The following SDK1 variants were observed in gnomAD, a reference collection of about 807,000 sequenced individuals.
SDK1 encodes the protein protein sidekick-1.
Under a neutral mutation model 245.5 loss-of-function variants are expected in SDK1, and 157 were observed. The ratio of observed to expected loss-of-function variants is 0.64; its 90% CI spans 0.56 to 0.73. The LOEUF (loss-of-function observed/expected upper bound fraction) is 0.73, where lower values mean the gene tolerates loss of function less well. SDK1 is among the 30% of genes least tolerant of loss of function. The pLI is 0.00. For missense variants in SDK1, 3,583 were observed against 3,002.3 expected, an observed-to-expected ratio of 1.19 and a Z score of -4.52; for synonymous variants, 1,647 against 1,278.5, an observed-to-expected ratio of 1.29 and a Z score of -6.15.
chr7:4,067,814 G>C (rs1186577125), intron 19 of SDK1, 24 bp from the exon 20 acceptor site: 2 of 1,584,150 alleles, frequency 1.3e-6, no homozygotes, highest in African/African-American at 2.7e-5. Context: ...TGTGTTAACA[G>C]ATGACTTTGC....
At chr7:3,439,462 A>C (rs1182413700) in intron 1 of SDK1, among the ~76,000 whole-genome samples, 3 of 152,122 alleles carry the variant, frequency 2.0e-5, no homozygotes, top group South Asian at 2.1e-4. Flanking sequence ...GGTTTGGTCA[A>C]CCTTTCCTAA....
intron 4 of SDK1, among the ~76,000 whole-genome samples, chr7:3,713,350 T>C (rs188610686): frequency 6.6e-6 from 1 of 152,050 alleles, no homozygotes; most frequent in East Asian, 1.9e-4. Context: ...ATCCTATTCC[T>C]CAAGAAAAGA....
rs558961825 is a variant in SDK1 at position 4,114,287 on chromosome 7, C to T, written c.3823+13C>T. ...ACGCGGGAGTCAGGTGAGGGGAAGGCGATTCCCATCCTGGAGACACCGCAT... is the reference window on the plus strand; with the variant it reads ...ACGCGGGAGTCAGGTGAGGGGAAGGTGATTCCCATCCTGGAGACACCGCAT... On this transcript the variant is annotated intron_variant, in intron 25 of 44. Coordinates refer to ENST00000404826, the MANE Select transcript of SDK1 (RefSeq NM_152744.4). 17 of 1,573,144 alleles carry T rather than the reference C, an allele frequency of 1.1e-5. No homozygotes were observed. Among genetic ancestry groups the T allele is most frequent in the South Asian group, 5.7e-5 (5 of 87,624 alleles).
intron 44 of SDK1, among the ~76,000 whole-genome samples, chr7:4,248,968 A>T (rs991399200): frequency 6.6e-6 from 1 of 152,098 alleles, no homozygotes. Flanking sequence ...AAATACACAC[A>T]TACACATATG....
chr7:3,330,588 C>T (rs1275012042), intron 1 of SDK1, among the ~76,000 whole-genome samples: 5 of 152,080 alleles, frequency 3.3e-5, no homozygotes, highest in Non-Finnish European at 7.4e-5. Flanking sequence ...TGTCATGATA[C>T]AGCAGGAAGG....
chr7:3,914,873 A>C lies in SDK1; in HGVS notation c.848-36050A>C, dbSNP rs894448091. Reference sequence around the variant, plus strand: ...GAATCATTTGAACTTTTAAAAGGAAATCATTTCAAAAGTCGTCGAAAGCGA... The same window carrying C: ...GAATCATTTGAACTTTTAAAAGGAACTCATTTCAAAAGTCGTCGAAAGCGA... On this transcript the variant is annotated intron_variant, in intron 5 of 44. Coordinates refer to ENST00000404826, the MANE Select transcript of SDK1 (RefSeq NM_152744.4). 2.0e-5 allele frequency among the ~76,000 whole-genome samples: 3 copies of C among 152,364 alleles called. No individual in the cohort carries two copies. The East Asian group carries it at 5.8e-4, about 29-fold the overall frequency.
intron 20 of SDK1, among the ~76,000 whole-genome samples, chr7:4,074,056 A>G (rs1219636671): frequency 6.6e-6 from 1 of 152,038 alleles, no homozygotes; most frequent in Non-Finnish European, 1.5e-5. Context: ...GTCCTGTTGC[A>G]TTTTGTTGCA....
chr7:4,202,251 C>T (rs2128226067), intron 35 of SDK1, among the ~76,000 whole-genome samples: 2 of 152,258 alleles, frequency 1.3e-5, no homozygotes, highest in Middle Eastern at 6.8e-3. Context: ...AGGCCTAGAC[C>T]CTGGTTAATA....
intron 4 of SDK1, among the ~76,000 whole-genome samples, chr7:3,735,556 T>C (rs924560193): frequency 1.3e-5 from 2 of 152,250 alleles, no homozygotes; most frequent in African/African-American, 4.8e-5. Context: ...TGTGTTTACC[T>C]GTTTATCCCT....
At chr7:4,005,948 G>A (rs1307941103) in intron 14 of SDK1, among the ~76,000 whole-genome samples, 1 of 142,256 alleles carries the variant, frequency 7.0e-6, no homozygotes, top group Admixed American at 6.8e-5. Context: ...GTGGGAGGTA[G>A]GGGTGGAAAA....
intron 4 of SDK1, among the ~76,000 whole-genome samples, chr7:3,723,909 C>CATATATATATACACGT (rs1778919230): frequency 1.7e-5 from 2 of 118,546 alleles, no homozygotes; most frequent in Admixed American, 8.4e-5. Context: ...TATACACGTA[C>CATATATATATACACGT]ATATATATAT....
At chr7:3,492,869 A>T (rs972095187) in intron 1 of SDK1, among the ~76,000 whole-genome samples, 8 of 152,254 alleles carry the variant, frequency 5.3e-5, no homozygotes, top group Non-Finnish European at 1.0e-4. Flanking sequence ...TGATAAAGAT[A>T]AGAAAACACT....
intron 14 of SDK1, among the ~76,000 whole-genome samples, chr7:4,005,393 A>AGTGTGTGT (rs71032920): frequency 0.015 from 1,953 of 129,864 alleles, 21 homozygotes; most frequent in African/African-American, 0.018. Context: ...TTCTTATGTG[A>AGTGTGTGT]GTGTGTGTGT....
intron 1 of SDK1, among the ~76,000 whole-genome samples, chr7:3,407,876 A>G (rs1041662302): frequency 6.6e-6 from 1 of 152,186 alleles, no homozygotes; most frequent in African/African-American, 2.4e-5. Context: ...CAGGTGAGGC[A>G]TCCTACCAGG....
At chr7:3,798,120 G>C (rs1265616565) in intron 4 of SDK1, among the ~76,000 whole-genome samples, 1 of 151,046 alleles carries the variant, frequency 6.6e-6, no homozygotes, top group Non-Finnish European at 1.5e-5. Context: ...TCCTGTTCTG[G>C]GATCCTTTCT....
chr7:3,838,545 G>A (rs1036013899), intron 5 of SDK1, among the ~76,000 whole-genome samples: 2 of 152,244 alleles, frequency 1.3e-5, no homozygotes, highest in African/African-American at 4.8e-5. Context: ...ACCTGCTACT[G>A]TAGATAGAAA....
intron 17 of SDK1, among the ~76,000 whole-genome samples, chr7:4,043,059 A>G (rs1413527067): frequency 6.6e-6 from 1 of 152,132 alleles, no homozygotes; most frequent in Non-Finnish European, 1.5e-5. Flanking sequence ...GTGTGTGCCC[A>G]CAGGTCAGGC....
At chr7:4,145,647 A>G in intron 28 of SDK1, 75 bp from the exon 29 acceptor site, 1 of 1,333,838 alleles carries the variant, frequency 7.5e-7, no homozygotes, top group South Asian at 1.4e-5. Flanking sequence ...GGGTCAGCAC[A>G]GGGTGTGGGC....
chr7:3,885,723 C>A (rs1416066004), intron 5 of SDK1, among the ~76,000 whole-genome samples: 1 of 152,208 alleles, frequency 6.6e-6, no homozygotes, highest in Non-Finnish European at 1.5e-5. Flanking sequence ...TCCTGGCCTA[C>A]TTTATTTCCT....
Sources: allele counts gnomAD v4.1 joint callset (sites outside exome capture counted in the v4.1 genomes callset), GRCh38; gene constraint gnomAD v4.1.1; transcripts MANE v1.5; gene names NCBI Gene and HGNC (gene_info 2026-07-23, HGNC 2026-07-21).